Variants in HPS3 observed in about 807,000 individuals in gnomAD.
The protein encoded by HPS3 is HPS3 biogenesis of lysosomal organelles complex 2 subunit 1, also known as BLOC-2 complex member HPS3.
A neutral mutation model predicts 110.9 loss-of-function variants in HPS3; 79 were observed. The ratio of observed to expected loss-of-function variants is 0.71; its 90% CI spans 0.59 to 0.86. The LOEUF (loss-of-function observed/expected upper bound fraction) is 0.86, where lower values mean the gene tolerates loss of function less well. Among genes scored for constraint, HPS3 ranks in the 40% least tolerant of loss-of-function variants. The probability of loss-of-function intolerance (pLI) is 0.00; values close to 1 mark genes in which losing one functional copy is unlikely to be tolerated. For missense variants in HPS3, 1,197 were observed against 1,206.2 expected, an observed-to-expected ratio of 0.99 and a Z score of 0.11; for synonymous variants, 428 against 451.0, an observed-to-expected ratio of 0.95 and a Z score of 0.65.
intron 6 of HPS3, among the ~76,000 whole-genome samples, 197 bp downstream of exon 6, chr3:149,150,877 C>T (rs937649103): frequency 4.6e-5 from 7 of 152,142 alleles, no homozygotes; most frequent in Non-Finnish European, 8.8e-5. Context: ...TTTAAGATTG[C>T]TTTGCAAACA....
rs559817128 is a variant in HPS3 at position 149,167,165 on chromosome 3, C to T, written c.2721C>T (p.Cys907=). The change falls in exon 15 of 17, where the codon TGC becomes TGT. Residue 907 remains cysteine, a synonymous_variant. Transcript: ENST00000296051. ...CRTRLKEYEQ[C]IDILLERCPE... ...CACGCTTGAAAGAGTATGAACAGTGCATAGACATACTGTTAGAGAGATGCC... is the reference window on the plus strand; with the variant it reads ...CACGCTTGAAAGAGTATGAACAGTGTATAGACATACTGTTAGAGAGATGCC... 44 of 1,613,168 alleles carry T rather than the reference C, an allele frequency of 2.7e-5. No individual in the cohort carries two copies. The South Asian group carries it at 4.5e-4, about 17-fold the overall frequency.
intron 2 of HPS3, among the ~76,000 whole-genome samples, 176 bp downstream of exon 2, chr3:149,140,674 A>G (rs923291302): frequency 2.6e-5 from 4 of 152,200 alleles, no homozygotes; most frequent in Non-Finnish European, 5.9e-5. Flanking sequence ...ACTCTGTAGC[A>G]TGTGAATATA....
At chr3:149,134,283 C>T (rs939763006) in intron 1 of HPS3, among the ~76,000 whole-genome samples, 2 of 152,106 alleles carry the variant, frequency 1.3e-5, no homozygotes, top group East Asian at 1.9e-4. Flanking sequence ...GTTTTCTCTA[C>T]GTCACTCCTT....
chr3:149,168,061 CATGTGAT>C (rs1724608653), intron 16 of HPS3, 78 bp downstream of exon 16: 16 of 903,032 alleles, frequency 1.8e-5, no homozygotes, highest in Admixed American at 1.1e-4. Flanking sequence ...TAAGTATTTT[CATGTGAT>C]TCTCAAGTGA....
chr3:149,167,777 T>G, intron 15 of HPS3, 116 bp from the exon 16 acceptor site: 1 of 729,352 alleles, frequency 1.4e-6, no homozygotes, highest in Non-Finnish European at 2.5e-6. Context: ...GTTAGCTGCC[T>G]TAGACAAAAT....
Position 149,153,509 on chromosome 3 carries a change from A to C in HPS3, c.1261A>C (p.Ser421Arg). The part of the protein sequence containing the change: ...DTTLKACPPV[S>R]MDVCALRIQL... ...CCTTTACTAGGCTTGCCCACCTGTCAGTATGGATGTCTGTGCTTTAAGAAT... is the reference window on the plus strand; with the variant it reads ...CCTTTACTAGGCTTGCCCACCTGTCCGTATGGATGTCTGTGCTTTAAGAAT... Residue 421 changes from serine to arginine, a missense_variant, in exon 7 of 17, where the codon AGT (serine) becomes CGT (arginine). Coordinates refer to ENST00000296051, the MANE Select transcript of HPS3 (RefSeq NM_032383.5). 1 of 1,613,990 alleles carries C rather than the reference A, an allele frequency of 6.2e-7. No homozygotes were observed. Among genetic ancestry groups the C allele is most frequent in the Non-Finnish European group, 8.5e-7 (1 of 1,179,846 alleles).
chr3:149,143,277 G>A (rs1722593315), intron 4 of HPS3, among the ~76,000 whole-genome samples: 1 of 152,184 alleles, frequency 6.6e-6, no homozygotes, highest in African/African-American at 2.4e-5. Context: ...AGACGCCACA[G>A]GCACGCTTAT....
intron 2 of HPS3, 84 bp downstream of exon 2, chr3:149,140,582 A>T: frequency 7.1e-7 from 1 of 1,416,950 alleles, no homozygotes; most frequent in Non-Finnish European, 9.9e-7. Flanking sequence ...TGTGGTATAT[A>T]TGGTGCCCGG....
intron 6 of HPS3, among the ~76,000 whole-genome samples, chr3:149,153,254 C>G: frequency 6.6e-6 from 1 of 152,150 alleles, no homozygotes; most frequent in East Asian, 1.9e-4. Context: ...CAATCAATAA[C>G]TGAGTTTGTT....
At chr3:149,134,607 A>T (rs1367938612) in intron 1 of HPS3, among the ~76,000 whole-genome samples, 3 of 152,176 alleles carry the variant, frequency 2.0e-5, no homozygotes, top group Non-Finnish European at 4.4e-5. Flanking sequence ...ACCCTCAGAG[A>T]TACAGTAGTA....
chr3:149,160,073 T>A lies in HPS3; in HGVS notation c.1900T>A (p.Phe634Ile). 5.0e-6 allele frequency: 8 copies of A among 1,613,914 alleles called. No individual in the cohort carries two copies. Among genetic ancestry groups the A allele is most frequent in the Non-Finnish European group, 6.8e-6 (8 of 1,179,822 alleles). The part of the protein sequence containing the change: ...EELAAKVVQM[F>I]YVAEPKQVPH... The stretch of plus-strand genomic sequence containing the variant: ...ATTAGCAGCAAAAGTGGTTCAGATG[T>A]TTTATGTGGCTGAGCCAAAGCAAGT... Residue 634 changes from phenylalanine (F) to isoleucine (I), a missense_variant, in exon 11 of 17, where the codon TTT (phenylalanine) becomes ATT (isoleucine). Phe to Ile is a conservative substitution (Grantham distance 21). Transcript: ENST00000296051.
Position 149,138,606 on chromosome 3 carries a change from C to T in HPS3, c.218-1398C>T, listed in dbSNP as rs550061684. On this transcript the variant is annotated intron_variant, in intron 1 of 16. Coordinates refer to ENST00000296051, the MANE Select transcript of HPS3 (RefSeq NM_032383.5). ...ATAAAAAGGGTATGGTAAAACATGC[C>T]ATCAGCAAAGTCAAAATCAGAAAAT... Among the ~76,000 whole-genome samples the T allele has an allele frequency of 3.2e-4, 49 of 152,194 alleles. 1 individual carries two copies. Among genetic ancestry groups the T allele is most frequent in the Non-Finnish European group, 1.5e-5 (1 of 68,004 alleles).
intron 10 of HPS3, among the ~76,000 whole-genome samples, chr3:149,159,447 C>T (rs746346935): frequency 3.3e-5 from 5 of 152,124 alleles, no homozygotes; most frequent in Non-Finnish European, 7.4e-5. Context: ...CCTGTAGTTC[C>T]AGCTACTCAG....
chr3:149,163,789 A>G, intron 13 of HPS3, 53 bp from the exon 14 acceptor site: 3 of 967,878 alleles, frequency 3.1e-6, no homozygotes, highest in Non-Finnish European at 5.0e-6. Flanking sequence ...TGGAATGGAT[A>G]AGCAAGCTTT....
At chr3:149,130,219 A>G in intron 1 of HPS3, 1 of 541,610 alleles carries the variant, frequency 1.8e-6, no homozygotes, top group East Asian at 3.1e-5. Context: ...GCTGGATTCC[A>G]CTCATCTCGG....
In HPS3 at chr3:149,172,143, A is replaced by G. The variant is rs781373708; in HGVS notation, c.2936A>G (p.Asn979Ser). The change falls in exon 17 of 17, where the codon AAT (asparagine) becomes AGT (serine). Residue 979 changes from asparagine to serine, a missense_variant. Asn to Ser is a conservative substitution (Grantham distance 46, BLOSUM62 1). Coordinates refer to ENST00000296051, the MANE Select transcript of HPS3 (RefSeq NM_032383.5). Reference sequence around the variant, plus strand: ...GAACTAGAACTGAAGGATTTCATGAATGTTCTCCCAGAAGATGGTACTGCA... The same window carrying G: ...GAACTAGAACTGAAGGATTTCATGAGTGTTCTCCCAGAAGATGGTACTGCA... ...AVELELKDFMNVLPEDGTATF... is the reference protein window; with the variant it reads ...AVELELKDFMSVLPEDGTATF... 1.3e-4 allele frequency: 202 copies of G among 1,612,678 alleles called. No individual in the cohort carries two copies. Among genetic ancestry groups the G allele is most frequent in the Non-Finnish European group, 1.6e-4 (193 of 1,178,832 alleles).
chr3:149,150,841 TG>T (rs1272414642), intron 6 of HPS3, among the ~76,000 whole-genome samples, 161 bp downstream of exon 6: 1 of 152,200 alleles, frequency 6.6e-6, no homozygotes, highest in African/African-American at 2.4e-5. Flanking sequence ...GTGAGGATTT[TG>T]TGATTCATGG....
At chr3:149,159,878 TG>T (rs1323454703) in intron 10 of HPS3, among the ~76,000 whole-genome samples, 167 bp from the exon 11 acceptor site, 4 of 152,220 alleles carry the variant, frequency 2.6e-5, no homozygotes, top group Non-Finnish European at 4.4e-5. Flanking sequence ...AGGCCTCCCA[TG>T]TATTAGTATC....
At chr3:149,161,664 C>T (rs771969028) in intron 11 of HPS3, among the ~76,000 whole-genome samples, 18 of 151,948 alleles carry the variant, frequency 1.2e-4, no homozygotes, top group Non-Finnish European at 1.9e-4. Context: ...TGTGTACCAC[C>T]ATGCTTGGCT....
Sources: gnomAD v4.1 joint callset for allele counts (sites outside exome capture counted in the v4.1 genomes callset) on GRCh38, gnomAD v4.1.1 for gene constraint, MANE v1.5 for transcripts, NCBI Gene and HGNC (gene_info 2026-07-23, HGNC 2026-07-21) for gene names.